Variants in TSNARE1 observed in about 807,000 individuals in gnomAD.
TSNARE1 encodes t-SNARE domain containing 1.
Under a neutral mutation model 62.0 loss-of-function variants are expected in TSNARE1, and 49 were observed. The ratio of observed to expected loss-of-function variants is 0.79; its 90% CI spans 0.63 to 1.00. TSNARE1 has a LOEUF of 1.00. Ranked by LOEUF, TSNARE1 falls within the 50% of genes least tolerant of loss-of-function variation. TSNARE1 has a pLI of 0.00. For missense variants in TSNARE1, 755 were observed against 700.1 expected, an observed-to-expected ratio of 1.08 and a Z score of -0.88; for synonymous variants, 328 against 294.4, an observed-to-expected ratio of 1.11 and a Z score of -1.17.
intron 12 of TSNARE1, among the ~76,000 whole-genome samples, chr8:142,244,699 A>G (rs954895022): frequency 6.6e-6 from 1 of 152,244 alleles, no homozygotes; most frequent in Admixed American, 6.5e-5. Flanking sequence ...CAGCCCAACC[A>G]GGTCTCATCG....
intron 9 of TSNARE1, among the ~76,000 whole-genome samples, chr8:142,303,561 G>T (rs1826140841): frequency 6.6e-6 from 1 of 152,310 alleles, no homozygotes; most frequent in African/African-American, 2.4e-5. Flanking sequence ...GGGGCCCATG[G>T]TACCCACCCT....
At chr8:142,329,724 G>A (rs1429064947) in intron 6 of TSNARE1, among the ~76,000 whole-genome samples, 4 of 152,220 alleles carry the variant, frequency 2.6e-5, no homozygotes, top group Non-Finnish European at 5.9e-5. Context: ...GAAGGCTGGA[G>A]GGAACACCGA....
intron 13 of TSNARE1, among the ~76,000 whole-genome samples, chr8:142,221,425 A>C (rs1433904206): frequency 3.3e-5 from 5 of 152,176 alleles, no homozygotes; most frequent in African/African-American, 9.7e-5. Context: ...CTGATATCTC[A>C]CAGCTTTCAG....
At chr8:142,352,984 T>C (rs564040673) in intron 2 of TSNARE1, among the ~76,000 whole-genome samples, 87 of 152,178 alleles carry the variant, frequency 5.7e-4, no homozygotes, top group Non-Finnish European at 4.4e-4. Flanking sequence ...AAACATAAAA[T>C]AGATCAAGCA....
chr8:142,274,757 A>T, intron 12 of TSNARE1, 24 bp downstream of exon 12: 1 of 1,511,132 alleles, frequency 6.6e-7, no homozygotes, highest in Admixed American at 2.1e-5. Context: ...CCGGCCGGGC[A>T]CTGTGGCCCT....
At chr8:142,278,901 C>A (rs1367718916) in intron 11 of TSNARE1, 1 of 684,460 alleles carries the variant, frequency 1.5e-6, no homozygotes, top group African/African-American at 1.9e-5. Context: ...GGCCCAGGCT[C>A]CTCCCTGGCT....
rs1421207633 is a variant in TSNARE1, at chr8:142,222,683, TCCAC to T, written c.*11+6786_*11+6789del. On this transcript the variant is annotated intron_variant, in intron 13 of 13. Coordinates refer to ENST00000524325, the MANE Select transcript of TSNARE1 (RefSeq NM_145003.5). ...ATTCACTCACTCACTCATCCACTCA[TCCAC>T]TCACTCACTCATCCACTCACTCACT... 8.9e-4 allele frequency among the ~76,000 whole-genome samples: 23 copies of T among 25,880 alleles called. 1 individual carries two copies. The highest frequency in any genetic ancestry group is 1.5e-3 in the South Asian group (1 of 688). The allele number at this position is 25,880 out of a possible 152,430, so 17.0% of individuals were successfully genotyped here. A position where few individuals can be genotyped will look rare whatever the true frequency, so the allele number is the denominator to read the frequency against.
chr8:142,405,065 G>A (rs1248892886), upstream of TSNARE1: 4 of 152,274 alleles, frequency 2.6e-5, no homozygotes, highest in South Asian at 2.1e-4. Context: ...TGGCTCCTCC[G>A]AAATCTGGGA....
chr8:142,298,875 G>A (rs34695799), intron 10 of TSNARE1, among the ~76,000 whole-genome samples: 18,709 of 152,208 alleles, frequency 0.12, 1,458 homozygotes, highest in East Asian at 0.19. Context: ...AGGAGCTCAC[G>A]AGCACCCGTT....
At chr8:142,334,626 A>AT (rs1170315693) in intron 4 of TSNARE1, among the ~76,000 whole-genome samples, 2 of 152,224 alleles carry the variant, frequency 1.3e-5, no homozygotes, top group African/African-American at 4.8e-5. Flanking sequence ...ATAAATACAT[A>AT]TTTTTTAAAT....
chr8:142,391,413 CTG>C lies in TSNARE1; in HGVS notation c.-40+11689_-40+11690del, dbSNP rs554932256. 2.2e-3 allele frequency among the ~76,000 whole-genome samples: 330 copies of C among 151,740 alleles called. 4 individuals are homozygous for C. Among genetic ancestry groups the C allele is most frequent in the African/African-American group, 7.1e-3 (295 of 41,356 alleles). On this transcript the variant is annotated intron_variant, in intron 1 of 13. Coordinates refer to ENST00000524325, the MANE Select transcript of TSNARE1 (RefSeq NM_145003.5). ...CAGATGCTGTACACTGCTGGGGACT[CTG>C]TAACAGACGCTGTACACTGCTGGGG...
intron 1 of TSNARE1, among the ~76,000 whole-genome samples, chr8:142,398,478 TCCTCACTCCACCG>T: frequency 6.7e-6 from 1 of 149,382 alleles, no homozygotes; most frequent in East Asian, 2.0e-4. Flanking sequence ...CCTCTCCACC[TCCTCACTCCACCG>T]CCTCAACCTT....
intron 3 of TSNARE1, 72 bp downstream of exon 3, chr8:142,345,671 T>C: frequency 6.9e-7 from 1 of 1,451,998 alleles, no homozygotes; most frequent in Non-Finnish European, 9.1e-7. Context: ...CTGCTGACCC[T>C]GCCCTCCTCA....
intron 13 of TSNARE1, among the ~76,000 whole-genome samples, chr8:142,222,540 T>TCACC (rs1816389890): frequency 2.4e-4 from 10 of 42,434 alleles, no homozygotes; most frequent in Non-Finnish European, 2.7e-4. Flanking sequence ...ACTCACTCAC[T>TCACC]CATTCACTCA....
At chr8:142,275,677 G>A (rs72687357) in intron 11 of TSNARE1, 170,909 of 985,408 alleles carry the variant, frequency 0.17, 15,151 homozygotes, top group South Asian at 0.22. Context: ...TTCCTTGCAA[G>A]GCCTGCCTCC....
intron 12 of TSNARE1, among the ~76,000 whole-genome samples, chr8:142,256,817 A>G (rs1180387004): frequency 2.0e-5 from 3 of 152,178 alleles, no homozygotes; most frequent in African/African-American, 7.2e-5. Flanking sequence ...GACAATCCTC[A>G]TTTGTTAAGC....
At chr8:142,322,132 C>A (rs1345107633) in intron 6 of TSNARE1, among the ~76,000 whole-genome samples, 3 of 152,164 alleles carry the variant, frequency 2.0e-5, no homozygotes, top group Admixed American at 6.5e-5. Flanking sequence ...ATCAACAGAG[C>A]AAATTTAACA....
intron 6 of TSNARE1, among the ~76,000 whole-genome samples, chr8:142,321,265 G>A (rs1829444986): frequency 6.6e-6 from 1 of 152,096 alleles, no homozygotes; most frequent in South Asian, 2.1e-4. Context: ...ATGGTACCAG[G>A]CAGTACCTCC....
intron 12 of TSNARE1, among the ~76,000 whole-genome samples, chr8:142,246,423 G>A (rs886744626): frequency 3.9e-5 from 6 of 151,934 alleles, no homozygotes; most frequent in African/African-American, 1.5e-4. Flanking sequence ...GCCCCCATCT[G>A]AGGAGTCAGG....
Sources: gnomAD v4.1 joint callset for allele counts (sites outside exome capture counted in the v4.1 genomes callset) on GRCh38, gnomAD v4.1.1 for gene constraint, MANE v1.5 for transcripts, NCBI Gene and HGNC (gene_info 2026-07-23, HGNC 2026-07-21) for gene names.